Variants in ST6GALNAC3 observed in about 807,000 individuals in gnomAD.
The protein encoded by ST6GALNAC3 is ST6 N-acetylgalactosaminide alpha-2,6-sialyltransferase 3.
In ST6GALNAC3, 25 loss-of-function variants were observed where a neutral mutation model predicts 32.7. The observed-to-expected ratio is 0.76, with a 90% CI of 0.56 to 1.07. ST6GALNAC3 has a LOEUF of 1.07. Among genes scored for constraint, ST6GALNAC3 ranks in the 50% least tolerant of loss-of-function variants. The pLI, the probability that ST6GALNAC3 is intolerant of heterozygous loss-of-function variation, is 0.00. For missense variants in ST6GALNAC3, 355 were observed against 382.4 expected (o/e 0.93, Z 0.60); for synonymous variants, 129 against 133.1 (o/e 0.97, Z 0.21).
chr1:76,410,190 C>T (rs1654129270), intron 2 of ST6GALNAC3, among the ~76,000 whole-genome samples: 1 of 152,164 alleles, frequency 6.6e-6, no homozygotes, highest in Non-Finnish European at 1.5e-5. Context: ...AGTGATTTCT[C>T]CCCTGCTATC....
chr1:76,099,852 T>A (rs1647189254), intron 1 of ST6GALNAC3, among the ~76,000 whole-genome samples: 1 of 152,208 alleles, frequency 6.6e-6, no homozygotes, highest in Admixed American at 6.5e-5. Context: ...TAGGAAGGAC[T>A]AACATTTTTA....
At chr1:76,376,618 A>G (rs932259508) in intron 2 of ST6GALNAC3, among the ~76,000 whole-genome samples, 7 of 152,170 alleles carry the variant, frequency 4.6e-5, no homozygotes, top group Non-Finnish European at 2.9e-5. Flanking sequence ...GAGTTATCCA[A>G]GTTGTTGGGT....
At chr1:76,460,023 C>T (rs530780868) in intron 3 of ST6GALNAC3, among the ~76,000 whole-genome samples, 2 of 152,262 alleles carry the variant, frequency 1.3e-5, no homozygotes, top group Non-Finnish European at 2.9e-5. Flanking sequence ...TTGATGGATA[C>T]AGTAAGTCTA....
intron 3 of ST6GALNAC3, among the ~76,000 whole-genome samples, chr1:76,417,203 G>C (rs1411091896): frequency 6.7e-6 from 1 of 149,618 alleles, no homozygotes; most frequent in Non-Finnish European, 1.5e-5. Flanking sequence ...CTGGGGCCCA[G>C]TTGTTTTTTT....
At chr1:76,077,356 T>G (rs530572189) in intron 1 of ST6GALNAC3, among the ~76,000 whole-genome samples, 1 of 152,310 alleles carries the variant, frequency 6.6e-6, no homozygotes, top group Non-Finnish European at 1.5e-5. Flanking sequence ...CCCTCTTAGT[T>G]TCTGTGCCTG....
At chr1:76,324,610 G>A (rs1399854082) in intron 2 of ST6GALNAC3, among the ~76,000 whole-genome samples, 2 of 152,214 alleles carry the variant, frequency 1.3e-5, no homozygotes, top group East Asian at 1.9e-4. Flanking sequence ...TATCAAAAAC[G>A]AGGAAAGTCT....
chr1:76,337,632 A>C (rs1222386097), intron 2 of ST6GALNAC3, among the ~76,000 whole-genome samples: 1 of 152,050 alleles, frequency 6.6e-6, no homozygotes, highest in African/African-American at 2.4e-5. Flanking sequence ...GAAATGGGGA[A>C]TCCCCTGGCC....
chr1:76,449,838 T>C (rs1468788997), intron 3 of ST6GALNAC3, among the ~76,000 whole-genome samples: 2 of 152,150 alleles, frequency 1.3e-5, no homozygotes, highest in Non-Finnish European at 2.9e-5. Flanking sequence ...TTTCAATAGG[T>C]TTTGGGGGAA....
At chr1:76,468,476 A>G (rs1385208581) in intron 3 of ST6GALNAC3, among the ~76,000 whole-genome samples, 1 of 152,040 alleles carries the variant, frequency 6.6e-6, no homozygotes, top group Non-Finnish European at 1.5e-5. Flanking sequence ...TCAAACATAT[A>G]TTGAAAGAGA....
chr1:76,310,547 T>A (rs1238512379), intron 1 of ST6GALNAC3, among the ~76,000 whole-genome samples: 1 of 152,104 alleles, frequency 6.6e-6, no homozygotes, highest in African/African-American at 2.4e-5. Flanking sequence ...TGGGTATCGC[T>A]GACTCCTGGG....
At chr1:76,553,924 A>G (rs916654477) in intron 3 of ST6GALNAC3, among the ~76,000 whole-genome samples, 2 of 152,226 alleles carry the variant, frequency 1.3e-5, no homozygotes, top group Non-Finnish European at 2.9e-5. Context: ...ATTACTGTGA[A>G]ATTACTGTAC....
At chr1:76,305,840 G>A in intron 1 of ST6GALNAC3, 1 of 508,080 alleles carries the variant, frequency 2.0e-6, no homozygotes, top group South Asian at 1.5e-5. Context: ...GAGGCATAGT[G>A]AGATGAAGTG....
intron 3 of ST6GALNAC3, among the ~76,000 whole-genome samples, chr1:76,493,073 C>G (rs1429326768): frequency 1.3e-5 from 2 of 151,268 alleles, no homozygotes. Flanking sequence ...TCAGACCTCT[C>G]TTATACTTCA....
intron 3 of ST6GALNAC3, among the ~76,000 whole-genome samples, chr1:76,625,339 G>T (rs1183955852): frequency 1.3e-5 from 2 of 151,858 alleles, no homozygotes; most frequent in African/African-American, 4.8e-5. Flanking sequence ...GTAAATACAT[G>T]AGACCTGATT....
chr1:76,556,270 T>C (rs1664917173), intron 3 of ST6GALNAC3, among the ~76,000 whole-genome samples: 1 of 152,190 alleles, frequency 6.6e-6, no homozygotes, highest in African/African-American at 2.4e-5. Context: ...ATTTTATTAA[T>C]TAATTTATCA....
At chr1:76,309,159 T>A (rs1646704582) in intron 1 of ST6GALNAC3, among the ~76,000 whole-genome samples, 1 of 152,178 alleles carries the variant, frequency 6.6e-6, no homozygotes, top group African/African-American at 2.4e-5. Context: ...ACCCTGTGTA[T>A]ACCCACATTA....
chr1:76,623,427 G>A (rs1648767467), intron 3 of ST6GALNAC3, among the ~76,000 whole-genome samples: 1 of 151,834 alleles, frequency 6.6e-6, no homozygotes, highest in Non-Finnish European at 1.5e-5. Flanking sequence ...AGAATTAGGG[G>A]CTTAAATTCT....
chr1:76,326,342 C>G lies in ST6GALNAC3; in HGVS notation c.213+12343C>G, dbSNP rs535286717. Among the ~76,000 whole-genome samples the G allele has an allele frequency of 7.2e-4, 109 of 152,280 alleles. 4 individuals carry two copies. In the South Asian group the frequency reaches 0.022, roughly 30 times the overall value. On this transcript the variant is annotated intron_variant, in intron 2 of 4. Coordinates refer to ENST00000328299, the MANE Select transcript of ST6GALNAC3 (RefSeq NM_152996.4). ...AAAATGAAGGGGGGAGTAAAGTGCACTTCACCCACCATGAGGTCAAGTCAA... is the reference window on the plus strand; with the variant it reads ...AAAATGAAGGGGGGAGTAAAGTGCAGTTCACCCACCATGAGGTCAAGTCAA...
At chr1:76,208,050 C>CG (rs34277706) in intron 1 of ST6GALNAC3, among the ~76,000 whole-genome samples, 2 of 110,980 alleles carry the variant, frequency 1.8e-5, no homozygotes, top group African/African-American at 3.0e-5. Context: ...TGCCCCCCCC[C>CG]CCAAAAAATA....
Sources: allele counts gnomAD v4.1 joint callset (sites outside exome capture counted in the v4.1 genomes callset), GRCh38; gene constraint gnomAD v4.1.1; transcripts MANE v1.5; gene names NCBI Gene and HGNC (gene_info 2026-07-23, HGNC 2026-07-21).